The following NBL1 variants were observed in gnomAD, a reference collection of about 807,000 sequenced individuals.
NBL1 encodes the protein NBL1, DAN family BMP antagonist, also known as neuroblastoma suppressor of tumorigenicity 1.
NBL1 carries 9 observed loss-of-function variants against 16.0 expected under a neutral mutation model. That is an observed-to-expected ratio of 0.56 (90% CI 0.34 to 0.98). NBL1 has a LOEUF of 0.98. NBL1 is among the 50% of genes least tolerant of loss of function. NBL1 has a pLI of 0.02. For missense variants in NBL1, 196 were observed against 243.1 expected (o/e 0.81, Z 1.29); for synonymous variants, 86 against 100.7 (o/e 0.85, Z 0.87).
At chr1:19,650,684 T>G (rs929071071) in intron 1 of NBL1, among the ~76,000 whole-genome samples, 2 of 151,542 alleles carry the variant, frequency 1.3e-5, no homozygotes, top group African/African-American at 4.9e-5. Context: ...GAGGAAGGGT[T>G]GAGAATCTGG....
At chr1:19,647,862 TGTGC>T (rs10569237) in intron 1 of NBL1, among the ~76,000 whole-genome samples, 28,803 of 141,956 alleles carry the variant, frequency 0.2, 3,128 homozygotes, top group African/African-American at 0.34. Context: ...TGTGTGTGTG[TGTGC>T]GTGTGTGTGT....
At chr1:19,646,117 G>T in intron 1 of NBL1, 1 of 1,480,508 alleles carries the variant, frequency 6.8e-7, no homozygotes, top group South Asian at 1.2e-5. Context: ...GGTGGCACGG[G>T]GTCGGCCCTG....
intron 1 of NBL1, chr1:19,645,935 A>G (rs1413099274): frequency 1.9e-6 from 3 of 1,550,188 alleles, no homozygotes; most frequent in African/African-American, 1.4e-5. Flanking sequence ...TCTGCAGTGG[A>G]ACTTCTGCTG....
At chr1:19,654,966 C>T (rs1558366581) in intron 1 of NBL1, 46 bp from the exon 2 acceptor site, 1 of 1,518,774 alleles carries the variant, frequency 6.6e-7, no homozygotes, top group East Asian at 2.3e-5. Flanking sequence ...CTACCCGGCC[C>T]CCTGCACCTT....
intron 1 of NBL1, among the ~76,000 whole-genome samples, chr1:19,647,850 G>GGTGTGTGT (rs71579812): frequency 1.4e-4 from 20 of 143,280 alleles, no homozygotes; most frequent in African/African-American, 5.5e-4. Context: ...GGAAAGGCCT[G>GGTGTGTGT]GTGTGTGTGT....
chr1:19,645,318 GC>G, intron 1 of NBL1: 7 of 978,092 alleles, frequency 7.2e-6, no homozygotes, highest in Non-Finnish European at 8.5e-6. Flanking sequence ...TGGACGACAG[GC>G]CCTGCTGCGG....
At chr1:19,643,268 A>T, upstream of NBL1, 1 of 1,585,834 alleles carries the variant, frequency 6.3e-7, no homozygotes, top group East Asian at 2.2e-5. The surrounding 1 kb of genome is among the most constrained non-coding windows in gnomAD (Gnocchi z 4.7). Context: ...AGTAGGCTGG[A>T]GTACACCAGG....
chr1:19,647,612 A>G (rs2094989121), intron 1 of NBL1: 52 of 985,438 alleles, frequency 5.3e-5, no homozygotes, highest in Non-Finnish European at 6.1e-5. Flanking sequence ...ACCAGCCACA[A>G]ACGCTGCGTG....
chr1:19,656,865 G>T lies in NBL1; in HGVS notation c.283-1G>T. 1 of 1,608,056 alleles carries T rather than the reference G, an allele frequency of 6.2e-7. No homozygotes were observed. Among genetic ancestry groups the T allele is most frequent in the Non-Finnish European group, 8.5e-7 (1 of 1,175,580 alleles). On this transcript the variant is annotated splice_acceptor_variant, in intron 3 of 3. Coordinates refer to ENST00000375136, the MANE Select transcript of NBL1 (RefSeq NM_005380.8). LOFTEE classifies it high-confidence loss of function. ...CTCTGCTTCTCTCTTGCCCTCTGCA[G>T]GTGACGCTGGAGTGCCCGGGCCACG... is the stretch of plus-strand genomic sequence containing the variant.
At chr1:19,648,705 G>A (rs540850207) in intron 1 of NBL1, among the ~76,000 whole-genome samples, 3 of 151,238 alleles carry the variant, frequency 2.0e-5, no homozygotes, top group South Asian at 2.1e-4. Flanking sequence ...CTGTGTGGGC[G>A]GCAGCTCAGA....
At chr1:19,650,837 G>A (rs1314526200) in intron 1 of NBL1, among the ~76,000 whole-genome samples, 1 of 152,188 alleles carries the variant, frequency 6.6e-6, no homozygotes, top group African/African-American at 2.4e-5. Context: ...CTAGCCAAGA[G>A]CCCACCCCAC....
intron 1 of NBL1, among the ~76,000 whole-genome samples, chr1:19,651,969 C>G (rs558674999): frequency 1.4e-4 from 21 of 152,240 alleles, no homozygotes; most frequent in African/African-American, 5.1e-4. Flanking sequence ...TCTTGGACTC[C>G]TGAGTTCAAG....
At chr1:19,643,395 C>T (rs376656499), upstream of NBL1, 1 of 1,613,744 alleles carries the variant, frequency 6.2e-7, no homozygotes, top group Non-Finnish European at 8.5e-7. The surrounding 1 kb of genome is among the most constrained non-coding windows in gnomAD (Gnocchi z 4.7). Flanking sequence ...CACATGGACA[C>T]AGGTAACTAT....
chr1:19,652,153 G>A (rs2095029668), intron 1 of NBL1, among the ~76,000 whole-genome samples: 1 of 152,130 alleles, frequency 6.6e-6, no homozygotes, highest in Non-Finnish European at 1.5e-5. Context: ...GCAAGATGGG[G>A]TCAGATATAG....
chr1:19,652,631 C>A (rs938448244), intron 1 of NBL1, among the ~76,000 whole-genome samples: 3 of 152,070 alleles, frequency 2.0e-5, no homozygotes, highest in African/African-American at 4.8e-5. Flanking sequence ...GGTTCACAGC[C>A]CTGCAGGAGC....
upstream of NBL1, chr1:19,643,407 C>G (rs1445381229): frequency 1.2e-6 from 2 of 1,613,428 alleles, no homozygotes; most frequent in Non-Finnish European, 1.7e-6. This position sits in a 1 kb window ranked among gnomAD's most constrained non-coding sequence, Gnocchi z 4.7. Flanking sequence ...GGTAACTATG[C>G]TGTAAAGCAA....
At chr1:19,653,154 G>A (rs1450210160) in intron 1 of NBL1, among the ~76,000 whole-genome samples, 1 of 151,492 alleles carries the variant, frequency 6.6e-6, no homozygotes, top group Admixed American at 6.6e-5. Flanking sequence ...GGGCATGGTG[G>A]TGGGCGCCTG....
In NBL1 at chr1:19,657,078, C is replaced by T. The variant is rs763744695; in HGVS notation, c.495C>T (p.Pro165=). The T allele has an allele frequency of 3.5e-5, 53 of 1,530,954 alleles. No individual in the cohort carries two copies. Among genetic ancestry groups the T allele is most frequent in the South Asian group, 9.7e-5 (8 of 82,084 alleles). The allele number at this position is 1,530,954 out of a possible 1,614,324, so 94.8% of individuals were successfully genotyped here. A position where few individuals can be genotyped will look rare whatever the true frequency, so the allele number is the denominator to read the frequency against. Residue 165 remains proline (P), a synonymous_variant, in exon 4 of 4, where the codon CCC becomes CCT. Transcript: ENST00000375136. ...HPHPGGQTPE[P]EDPPGAPHTE... Reference sequence around the variant, plus strand: ...ATCCTGGCGGGCAGACCCCTGAGCCCGAGGACCCCCCTGGGGCCCCCCACA... The same window carrying T: ...ATCCTGGCGGGCAGACCCCTGAGCCTGAGGACCCCCCTGGGGCCCCCCACA...
Position 19,650,060 on chromosome 1 carries a change from C to T in NBL1, c.-19-4952C>T, listed in dbSNP as rs186237538. ...CGTGATCTCGGCTCACTGCAAGCTC[C>T]GCCTCCCGGGTTCACGCCATTCTCC... On this transcript the variant is annotated intron_variant, in intron 1 of 3. Transcript: ENST00000375136. Among the ~76,000 whole-genome samples, 169 of 151,934 alleles carry T rather than the reference C, an allele frequency of 1.1e-3. 2 individuals are homozygous for T. Among genetic ancestry groups the T allele is most frequent in the African/African-American group, 4.0e-3 (167 of 41,360 alleles).
Sources: gnomAD v4.1 joint callset for allele counts (sites outside exome capture counted in the v4.1 genomes callset) on GRCh38, gnomAD v4.1.1 for gene constraint, Gnocchi (gnomAD v3.1) non-coding constraint, MANE v1.5 for transcripts, NCBI Gene and HGNC (gene_info 2026-07-23, HGNC 2026-07-21) for gene names.